LINGO2: variants seen among roughly 807,000 people sequenced by gnomAD.
The protein encoded by LINGO2 is leucine rich repeat and Ig domain containing 2.
In LINGO2, 14 loss-of-function variants were observed where a neutral mutation model predicts 30.6. That is an observed-to-expected ratio of 0.46 (90% confidence interval 0.30 to 0.72). LINGO2 has a LOEUF of 0.72. Ranked by LOEUF, LINGO2 falls within the 30% of genes least tolerant of loss-of-function variation. The pLI, the probability that LINGO2 is intolerant of heterozygous loss-of-function variation, is 0.07. For missense variants in LINGO2, 729 were observed against 751.7 expected, an observed-to-expected ratio of 0.97 and a Z score of 0.35; for synonymous variants, 317 against 288.5, an observed-to-expected ratio of 1.10 and a Z score of -1.00.
At chr9:28,694,145 G>A in the LINGO2 span, among the ~76,000 whole-genome samples, 4 of 151,294 alleles carry the variant, frequency 2.6e-5, no homozygotes, top group South Asian at 6.2e-4. Flanking sequence ...AAAATCATTT[G>A]TGAGACAGTT....
chr9:28,655,388 C>T (rs1000003690), intron 1 of LINGO2, among the ~76,000 whole-genome samples: 4 of 152,026 alleles, frequency 2.6e-5, no homozygotes, highest in Non-Finnish European at 4.4e-5. Flanking sequence ...TTTACCGGCT[C>T]ATAAGCAGAA....
chr9:28,308,582 G>A (rs2134242319), intron 3 of LINGO2, among the ~76,000 whole-genome samples: 1 of 145,394 alleles, frequency 6.9e-6, no homozygotes, highest in South Asian at 2.2e-4. Context: ...TTGACAAACG[G>A]GATCTCATTA....
At chr9:28,026,450 G>A (rs989223760) in intron 4 of LINGO2, among the ~76,000 whole-genome samples, 1 of 152,182 alleles carries the variant, frequency 6.6e-6, no homozygotes, top group Non-Finnish European at 1.5e-5. Flanking sequence ...TCTGCATAAA[G>A]CTGGGACCAA....
chr9:28,791,128 C>T, the LINGO2 span, among the ~76,000 whole-genome samples: 2 of 151,530 alleles, frequency 1.3e-5, no homozygotes, highest in African/African-American at 2.4e-5. Context: ...CCTTTCTCAC[C>T]ACCAATATAG....
intron 5 of LINGO2, among the ~76,000 whole-genome samples, chr9:27,954,572 A>AT (rs1455364665): frequency 6.6e-6 from 1 of 152,098 alleles, no homozygotes; most frequent in Non-Finnish European, 1.5e-5. Flanking sequence ...CATGTACCAC[A>AT]TTTTCTTTAT....
chr9:28,521,747 C>CTATGTTCAAATTGATTATAT (rs1294556204), intron 1 of LINGO2, among the ~76,000 whole-genome samples: 14 of 152,072 alleles, frequency 9.2e-5, no homozygotes, highest in African/African-American at 3.1e-4. Context: ...AGCTTCTTTG[C>CTATGTTCAAATTGATTATAT]AGATATAATC....
At position 28,019,556 on chromosome 9, in the gene LINGO2, A is replaced by G. The variant is rs536772496; in HGVS notation, c.-86-7151T>C. Among the ~76,000 whole-genome samples the G allele has an allele frequency of 3.9e-5, 6 of 152,276 alleles. No homozygotes were observed. In the South Asian group the frequency reaches 8.3e-4, roughly 21 times the overall value. ...ATATTTAATCTATGAGTATTTGCTC[A>G]TATTTGCTATGAGTAAAATAGCAAA... On this transcript the variant is annotated intron_variant, in intron 4 of 5. Coordinates refer to ENST00000379992, the Ensembl canonical transcript of LINGO2.
chr9:28,217,060 AATC>A (rs1463566451), intron 4 of LINGO2, among the ~76,000 whole-genome samples: 1 of 151,410 alleles, frequency 6.6e-6, no homozygotes, highest in African/African-American at 2.4e-5. Context: ...TAGTTACACA[AATC>A]ATCAGTGCTG....
At chr9:28,240,332 G>A (rs1042872307) in intron 4 of LINGO2, among the ~76,000 whole-genome samples, 3 of 152,040 alleles carry the variant, frequency 2.0e-5, no homozygotes, top group Non-Finnish European at 4.4e-5. Context: ...GCCATCCTGA[G>A]TAAAAAGAAA....
intron 5 of LINGO2, among the ~76,000 whole-genome samples, chr9:27,997,406 G>GGGGGGAGGGGGGA (rs1563895252): frequency 6.6e-6 from 1 of 151,682 alleles, no homozygotes; most frequent in African/African-American, 2.4e-5. Flanking sequence ...CCCTCCCCCC[G>GGGGGGAGGGGGGA]TCATAAGTGA....
At position 28,506,417 on chromosome 9, in the gene LINGO2, T is replaced by C. The variant is rs1307533655; in HGVS notation, c.-364-30392A>G. ...TCTTAGACATATATATATATATATATATATACACACACACACACACACACA... is the reference window on the plus strand; with the variant it reads ...TCTTAGACATATATATATATATATACATATACACACACACACACACACACA... On this transcript the variant is annotated intron_variant, in intron 1 of 5. Coordinates refer to ENST00000379992, the Ensembl canonical transcript of LINGO2. Among the ~76,000 whole-genome samples the C allele has an allele frequency of 4.8e-3, 15 of 3,146 alleles. 1 individual carries two copies. The highest frequency in any genetic ancestry group is 0.013 in the Admixed American group (2 of 160). The allele number at this position is 3,146 out of a possible 152,430, so 2.1% of individuals were successfully genotyped here.
the LINGO2 span, chr9:28,888,819 T>C: frequency 1.9e-6 from 1 of 523,874 alleles, no homozygotes; most frequent in African/African-American, 1.9e-5. Context: ...CTGACAACAG[T>C]GGAAGGTACC....
chr9:29,061,046 A>G, the LINGO2 span, among the ~76,000 whole-genome samples: 5 of 152,108 alleles, frequency 3.3e-5, no homozygotes, highest in South Asian at 1.0e-3. Context: ...TGGCAGACTC[A>G]AAACAAGATA....
chr9:28,903,754 C>G, the LINGO2 span, among the ~76,000 whole-genome samples: 1 of 152,104 alleles, frequency 6.6e-6, no homozygotes, highest in African/African-American at 2.4e-5. Context: ...ACTGGGATTA[C>G]AGATATGAGC....
chr9:28,190,435 T>C (rs1334521864), intron 4 of LINGO2, among the ~76,000 whole-genome samples: 1 of 152,158 alleles, frequency 6.6e-6, no homozygotes, highest in African/African-American at 2.4e-5. Context: ...ACCCCTAGTG[T>C]AATGGTATTA....
At chr9:28,821,025 C>T in the LINGO2 span, among the ~76,000 whole-genome samples, 3 of 152,226 alleles carry the variant, frequency 2.0e-5, no homozygotes, top group Non-Finnish European at 4.4e-5. Flanking sequence ...GCTGCTTTCA[C>T]AGCTAGAATT....
the LINGO2 span, among the ~76,000 whole-genome samples, chr9:29,063,529 G>A: frequency 6.6e-6 from 1 of 151,744 alleles, no homozygotes; most frequent in East Asian, 2.0e-4. Context: ...CAGCCAAGTA[G>A]CTGGGATTAC....
chr9:28,552,502 T>A (rs1221753694), intron 1 of LINGO2, among the ~76,000 whole-genome samples: 1 of 152,050 alleles, frequency 6.6e-6, no homozygotes. Flanking sequence ...AAATATTTCC[T>A]TTCTTTGTAT....
At chr9:28,791,974 T>C in the LINGO2 span, among the ~76,000 whole-genome samples, 1 of 151,554 alleles carries the variant, frequency 6.6e-6, no homozygotes, top group Admixed American at 6.6e-5. Flanking sequence ...TGTTCTCATC[T>C]CTAAAATACA....
Sources: allele counts gnomAD v4.1 joint callset (sites outside exome capture counted in the v4.1 genomes callset), GRCh38; gene constraint gnomAD v4.1.1; transcripts MANE v1.5; gene names NCBI Gene and HGNC (gene_info 2026-07-23, HGNC 2026-07-21).